ZSWIM6: variants seen among roughly 807,000 people sequenced by gnomAD.
ZSWIM6 encodes the protein zinc finger SWIM domain-containing protein 6.
In ZSWIM6, 9 loss-of-function variants were observed where a neutral mutation model predicts 113.2. That is an observed-to-expected ratio of 0.08 (90% confidence interval 0.05 to 0.14). The LOEUF (loss-of-function observed/expected upper bound fraction) is 0.14, where lower values mean the gene tolerates loss of function less well. Ranked by LOEUF, ZSWIM6 falls within the 10% of genes least tolerant of loss-of-function variation. The pLI is 1.00. For synonymous variants in ZSWIM6, 611 were observed against 606.5 expected (o/e 1.01, Z -0.11); for missense variants, 1,162 against 1,552.2 (o/e 0.75, Z 4.22).
At chr5:61,333,009 G>GGGGCCCCCC in intron 1 of ZSWIM6, 61 bp downstream of exon 1, 3 of 439,820 alleles carry the variant, frequency 6.8e-6, no homozygotes, top group Non-Finnish European at 9.6e-6. Context: ...TGGGGGGGGG[G>GGGGCCCCCC]TGCCCGCCTT....
At chr5:61,453,619 A>G (rs753036210) in intron 1 of ZSWIM6, among the ~76,000 whole-genome samples, 1 of 151,848 alleles carries the variant, frequency 6.6e-6, no homozygotes. Context: ...CAAGCAGTCC[A>G]CTTGCCTTGA....
At chr5:61,399,727 A>G (rs1370353811) in intron 1 of ZSWIM6, among the ~76,000 whole-genome samples, 1 of 152,216 alleles carries the variant, frequency 6.6e-6, no homozygotes. Context: ...TGGTTTCTCC[A>G]ATTTCTACTT....
chr5:61,425,603 G>A (rs1232559447), intron 1 of ZSWIM6, among the ~76,000 whole-genome samples: 1 of 152,204 alleles, frequency 6.6e-6, no homozygotes, highest in Non-Finnish European at 1.5e-5. Flanking sequence ...TTTGGGAATT[G>A]TATAAGGAGC....
At chr5:61,478,046 C>G (rs1280475666) in intron 2 of ZSWIM6, among the ~76,000 whole-genome samples, 1 of 152,086 alleles carries the variant, frequency 6.6e-6, no homozygotes, top group African/African-American at 2.4e-5. Flanking sequence ...ATTGGGCTTG[C>G]CTTAGCAACC....
At chr5:61,470,649 T>A (rs1228929370) in intron 1 of ZSWIM6, among the ~76,000 whole-genome samples, 1 of 152,138 alleles carries the variant, frequency 6.6e-6, no homozygotes, top group Non-Finnish European at 1.5e-5. Flanking sequence ...TTAAAAGAGA[T>A]AAAGGAGACT....
intron 1 of ZSWIM6, among the ~76,000 whole-genome samples, chr5:61,414,994 T>C (rs2112117756): frequency 6.6e-6 from 1 of 152,326 alleles, no homozygotes; most frequent in African/African-American, 2.4e-5. Flanking sequence ...CCTGTCTTTA[T>C]AGATGAGGAA....
At chr5:61,406,626 T>G (rs1212173173) in intron 1 of ZSWIM6, among the ~76,000 whole-genome samples, 1 of 152,078 alleles carries the variant, frequency 6.6e-6, no homozygotes, top group African/African-American at 2.4e-5. Flanking sequence ...CGAGTAGGTA[T>G]TTACTTTCAA....
At chr5:61,404,272 C>T (rs905636431) in intron 1 of ZSWIM6, among the ~76,000 whole-genome samples, 2 of 152,224 alleles carry the variant, frequency 1.3e-5, no homozygotes, top group Non-Finnish European at 2.9e-5. Context: ...CACATTTTCT[C>T]ACTTATCAGT....
intron 1 of ZSWIM6, among the ~76,000 whole-genome samples, chr5:61,446,752 T>A (rs1254309741): frequency 6.6e-6 from 1 of 152,196 alleles, no homozygotes; most frequent in Non-Finnish European, 1.5e-5. Flanking sequence ...TTTACTTAAT[T>A]TATGAGTGCT....
intron 1 of ZSWIM6, among the ~76,000 whole-genome samples, chr5:61,370,674 A>G (rs547861716): frequency 6.6e-6 from 1 of 152,328 alleles, no homozygotes; most frequent in South Asian, 2.1e-4. Context: ...TTCGCCTTTA[A>G]TATAGACTTC....
Position 61,457,553 on chromosome 5 carries a change from C to A in ZSWIM6, c.677-15128C>A, listed in dbSNP as rs955119683. 9.2e-5 allele frequency among the ~76,000 whole-genome samples: 14 copies of A among 151,858 alleles called. No individual in the cohort carries two copies. In the East Asian group the frequency reaches 2.7e-3, roughly 29 times the overall value. ...TTTTATTTTTTGAGACAGAGTTTCA[C>A]TCTTGTTGCCCAGGCTGGAGTGCAC... On this transcript the variant is annotated intron_variant, in intron 1 of 13. Transcript: ENST00000252744.
intron 1 of ZSWIM6, among the ~76,000 whole-genome samples, chr5:61,396,063 C>A (rs1451729313): frequency 6.6e-6 from 1 of 152,118 alleles, no homozygotes; most frequent in African/African-American, 2.4e-5. Flanking sequence ...TGTTTGGAGG[C>A]AGACGTGATC....
intron 1 of ZSWIM6, among the ~76,000 whole-genome samples, chr5:61,400,756 T>C (rs1579976923): frequency 6.6e-6 from 1 of 152,338 alleles, no homozygotes; most frequent in East Asian, 1.9e-4. Context: ...GTTGTCTCCT[T>C]ATTATCCTTA....
chr5:61,477,343 G>A (rs1747733402), intron 2 of ZSWIM6, among the ~76,000 whole-genome samples: 1 of 152,166 alleles, frequency 6.6e-6, no homozygotes, highest in Non-Finnish European at 1.5e-5. Flanking sequence ...GTCCAGAGAT[G>A]CCATCTCAGC....
At chr5:61,452,172 G>A (rs1295601862) in intron 1 of ZSWIM6, among the ~76,000 whole-genome samples, 1 of 151,960 alleles carries the variant, frequency 6.6e-6, no homozygotes, top group Non-Finnish European at 1.5e-5. Flanking sequence ...TGAGTGTCCT[G>A]TTCCTTTATA....
chr5:61,539,767 A>C lies in ZSWIM6; in HGVS notation c.2703+8A>C. On this transcript the variant is annotated splice_region_variant and intron_variant, in intron 12 of 13. Coordinates refer to ENST00000252744, the MANE Select transcript of ZSWIM6 (RefSeq NM_020928.2). ...CTGGAGCTGGGCCTGCAGGTACATG[A>C]CTGGTAGTCTTTCCTGGGACATCAA... The C allele has an allele frequency of 6.5e-7, 1 of 1,547,488 alleles. No individual in the cohort carries two copies. The highest frequency in any genetic ancestry group is 8.7e-7 in the Non-Finnish European group (1 of 1,144,722).
intron 1 of ZSWIM6, among the ~76,000 whole-genome samples, chr5:61,471,066 A>G (rs13172080): frequency 0.38 from 57,190 of 151,958 alleles, 10,911 homozygotes; most frequent in South Asian, 0.43. Flanking sequence ...CATGGTAGCA[A>G]TCCTTTTCTT....
intron 1 of ZSWIM6, among the ~76,000 whole-genome samples, chr5:61,428,938 G>A (rs1746522340): frequency 6.6e-6 from 1 of 152,168 alleles, no homozygotes; most frequent in Non-Finnish European, 1.5e-5. Context: ...TTGATAAGGC[G>A]GGGAAGAGGG....
intron 1 of ZSWIM6, among the ~76,000 whole-genome samples, chr5:61,416,300 GCTT>G (rs1282721517): frequency 6.6e-6 from 1 of 152,148 alleles, no homozygotes; most frequent in African/African-American, 2.4e-5. Context: ...TACTAGTGAA[GCTT>G]CTTTTACAGC....
Sources: allele counts gnomAD v4.1 joint callset (sites outside exome capture counted in the v4.1 genomes callset), GRCh38; gene constraint gnomAD v4.1.1; transcripts MANE v1.5; gene names NCBI Gene and HGNC (gene_info 2026-07-23, HGNC 2026-07-21).